RBIS: variants seen among roughly 807,000 people sequenced by gnomAD.
RBIS encodes the protein ribosome biogenesis factor identified in screen.
RBIS carries 9 observed loss-of-function variants against 9.8 expected under a neutral mutation model. That is an observed-to-expected ratio of 0.92 (90% CI 0.56 to 1.61). RBIS has a LOEUF of 1.61. RBIS is among the 40% of genes most tolerant of loss of function. The pLI is 0.00. For synonymous variants in RBIS, 35 were observed against 37.9 expected (o/e 0.92, Z 0.28); for missense variants, 103 against 116.0 (o/e 0.89, Z 0.51).
chr8:85,219,381 T>C (rs953285663), intron 1 of RBIS: 1 of 152,146 alleles, frequency 6.6e-6, no homozygotes, highest in East Asian at 1.9e-4. Context: ...AAGAATGCAG[T>C]AGAAAATACA....
At position 85,220,297 on chromosome 8, in the gene RBIS, A is replaced by G. The variant is rs772192919; in HGVS notation, c.-4+9T>C. The G allele has an allele frequency of 3.9e-5, 6 of 152,294 alleles. No individual in the cohort carries two copies. Among genetic ancestry groups the G allele is most frequent in the Non-Finnish European group, 7.3e-5 (5 of 68,104 alleles). The allele number at this position is 152,294 out of a possible 1,614,324, so 9.4% of individuals were successfully genotyped here. Reference sequence around the variant, plus strand: ...GCCCTCCAGAAAACTTAATTTATTAAACTCTCACCAGAAGTTTAACACTTG... The same window carrying G: ...GCCCTCCAGAAAACTTAATTTATTAGACTCTCACCAGAAGTTTAACACTTG... On this transcript the variant is annotated intron_variant, in intron 1 of 3. Transcript: ENST00000619594.
rs544787591 is a variant in RBIS, at chr8:85,214,623, C to G, written c.240G>C (p.Gln80His). The G allele has an allele frequency of 1.9e-6, 3 of 1,555,994 alleles. No individual in the cohort carries two copies. Among genetic ancestry groups the G allele is most frequent in the Non-Finnish European group, 2.7e-6 (3 of 1,127,826 alleles). Residue 80 changes from glutamine (Q) to histidine (H), a missense_variant, in exon 4 of 4, where the codon CAG becomes CAC. Gln to His is a conservative substitution (Grantham distance 24). Coordinates refer to ENST00000619594, the MANE Select transcript of RBIS (RefSeq NM_001099673.3). ...TAACTGGTTTGCTTTCATGACGCTG[C>G]TGAGGAATCTGAAAGGAGAAAGTAT... ...LEPLQKELIP[Q>H]QRHESKPVNV...
Position 85,214,502 on chromosome 8 carries a change from T to C in RBIS, c.*58A>G. On this transcript the variant is annotated 3_prime_UTR_variant, in exon 4 of 4. Coordinates refer to ENST00000619594, the MANE Select transcript of RBIS (RefSeq NM_001099673.3). ...ATTAACAAGATTTTTAAAAATAAAA[T>C]TGTATAAAACATTCAATTTATTGGT... The C allele has an allele frequency of 1.7e-6, 2 of 1,168,248 alleles. No individual in the cohort carries two copies. Among genetic ancestry groups the C allele is most frequent in the East Asian group, 2.3e-5 (1 of 42,556 alleles). The allele number at this position is 1,168,248 out of a possible 1,614,324, so 72.4% of individuals were successfully genotyped here. A position where few individuals can be genotyped will look rare whatever the true frequency, so the allele number is the denominator to read the frequency against.
intron 1 of RBIS, 152 bp from the exon 2 acceptor site, chr8:85,217,654 C>T: frequency 1.6e-6 from 1 of 611,170 alleles, no homozygotes; most frequent in Non-Finnish European, 2.9e-6. Context: ...AAGTCTTTCA[C>T]TCCTAGTAGA....
At chr8:85,218,213 T>C (rs761816552) in intron 1 of RBIS, among the ~76,000 whole-genome samples, 7 of 152,230 alleles carry the variant, frequency 4.6e-5, no homozygotes, top group East Asian at 1.9e-4. Flanking sequence ...ACTACACTTA[T>C]GTGCTTTAAC....
In RBIS at chr8:85,215,032, G is replaced by A; in HGVS notation, c.120C>T (p.Asn40=). 1.5e-6 allele frequency: 2 copies of A among 1,315,564 alleles called. No individual in the cohort carries two copies. Among genetic ancestry groups the A allele is most frequent in the South Asian group, 1.3e-5 (1 of 74,268 alleles). 81.5% of individuals were successfully genotyped at this position (1,315,564 alleles called of 1,614,324 possible). A position where few individuals can be genotyped will look rare whatever the true frequency, so the allele number is the denominator to read the frequency against. The change falls in exon 3 of 4, where the codon AAC becomes AAT. Residue 40 remains asparagine (N), a synonymous_variant. Transcript: ENST00000619594. Reference sequence around the variant, plus strand: ...TGTTAACTTTTTCCTCATTCATAATGTTTATCTTTTAAAAAGAAAAAAAGC... The same window carrying A: ...TGTTAACTTTTTCCTCATTCATAATATTTATCTTTTAAAAAGAAAAAAAGC... The part of the protein sequence containing the change: ...KPVTTNLKKI[N]IMNEEKVNRV...
chr8:85,217,981 CCT>C (rs1277055780), intron 1 of RBIS, among the ~76,000 whole-genome samples: 2 of 152,108 alleles, frequency 1.3e-5, no homozygotes, highest in African/African-American at 2.4e-5. Context: ...TTCCTACCTC[CCT>C]CTCTCCCTTA....
At position 85,214,899 on chromosome 8, in the gene RBIS, A is replaced by T. The variant is rs750041883; in HGVS notation, c.231+22T>A. The T allele has an allele frequency of 2.3e-6, 3 of 1,309,008 alleles. No homozygotes were observed. The East Asian group carries it at 6.9e-5, about 30-fold the overall frequency. 81.1% of individuals were successfully genotyped at this position (1,309,008 alleles called of 1,614,324 possible). Reference sequence around the variant, plus strand: ...AGCCTCAATTTGTTAGCCATAAAAAAAAGCAAATGATTTCTGCTTACCAGT... The same window carrying T: ...AGCCTCAATTTGTTAGCCATAAAAATAAGCAAATGATTTCTGCTTACCAGT... On this transcript the variant is annotated intron_variant, in intron 3 of 3. Coordinates refer to ENST00000619594, the MANE Select transcript of RBIS (RefSeq NM_001099673.3).
At chr8:85,214,767 T>TA (rs1383999621) in intron 3 of RBIS, 136 bp from the exon 4 acceptor site, 2 of 763,840 alleles carry the variant, frequency 2.6e-6, no homozygotes, top group African/African-American at 3.5e-5. Flanking sequence ...GACAATGTTT[T>TA]AGAGTCTGAA....
At chr8:85,217,289 G>T in intron 2 of RBIS, 97 bp downstream of exon 2, 1 of 785,186 alleles carries the variant, frequency 1.3e-6, no homozygotes, top group South Asian at 1.4e-5. Context: ...GAAAAATGAA[G>T]AACCTTTTTA....
chr8:85,219,625 C>T lies in RBIS; in HGVS notation c.-4+681G>A, dbSNP rs564697823. ...AATTAGCCGGGCGTGGTGACGCGCG[C>T]CTCTAATCCCAGCTACTCGGGAGGC... On this transcript the variant is annotated intron_variant, in intron 1 of 3. Coordinates refer to ENST00000619594, the MANE Select transcript of RBIS (RefSeq NM_001099673.3). Among the ~76,000 whole-genome samples, 5 of 152,178 alleles carry T rather than the reference C, an allele frequency of 3.3e-5. No individual in the cohort carries two copies. In the East Asian group the frequency reaches 7.7e-4, roughly 24 times the overall value.
At chr8:85,215,069 A>G (rs756382480) in intron 2 of RBIS, 32 bp from the exon 3 acceptor site, 1 of 863,892 alleles carries the variant, frequency 1.2e-6, no homozygotes, top group Non-Finnish European at 1.8e-6. Flanking sequence ...TTAATCTATG[A>G]TCTCATAACC....
intron 2 of RBIS, 113 bp downstream of exon 2, chr8:85,217,273 T>G: frequency 1.3e-6 from 1 of 746,152 alleles, no homozygotes; most frequent in Non-Finnish European, 2.4e-6. Context: ...ATCCTTACCT[T>G]TCTAGGAAAA....
rs965076656 is a variant in RBIS at position 85,214,682 on chromosome 8, A to G, written c.232-51T>C. 4 of 1,105,252 alleles carry G rather than the reference A, an allele frequency of 3.6e-6. No homozygotes were observed. The African/African-American group carries it at 6.2e-5, about 17-fold the overall frequency. The allele number at this position is 1,105,252 out of a possible 1,614,324, so 68.5% of individuals were successfully genotyped here. A position where few individuals can be genotyped will look rare whatever the true frequency, so the allele number is the denominator to read the frequency against. On this transcript the variant is annotated intron_variant, in intron 3 of 3. Transcript: ENST00000619594. ...AAAACACAGACAACAATAGCAGACAAATGACTTATATAAGCTGTTATTCAA... is the reference window on the plus strand; with the variant it reads ...AAAACACAGACAACAATAGCAGACAGATGACTTATATAAGCTGTTATTCAA...
intron 2 of RBIS, chr8:85,216,403 A>C (rs1813156938): frequency 6.6e-6 from 1 of 152,192 alleles, no homozygotes; most frequent in Non-Finnish European, 1.5e-5. Flanking sequence ...GCCTACCCAT[A>C]GATCTCTCTC....
chr8:85,214,184 G>GTCA lies in RBIS; in HGVS notation c.*373_*375dup, dbSNP rs1390387147. ...GGAGGAAAGTTAAAGGACACTACAG[G>GTCA]TCATCAAAAACAAGTTGGCCAAGGA... On this transcript the variant is annotated 3_prime_UTR_variant, in exon 4 of 4. Transcript: ENST00000619594. 1 of 536,094 alleles carries GTCA rather than the reference G, an allele frequency of 1.9e-6. No homozygotes were observed. The highest frequency in any genetic ancestry group is 2.2e-5 in the Admixed American group (1 of 44,916). The allele number at this position is 536,094 out of a possible 1,614,324, so 33.2% of individuals were successfully genotyped here.
chr8:85,214,846 C>T lies in RBIS; in HGVS notation c.231+75G>A. On this transcript the variant is annotated intron_variant, in intron 3 of 3. Transcript: ENST00000619594. ...CTAAAAATTACACTCAACTTACAGG[C>T]TTTGAAAACTTGGGAGTTTAATTTA... is the stretch of plus-strand genomic sequence containing the variant. 3.5e-6 allele frequency: 3 copies of T among 860,964 alleles called. No individual in the cohort carries two copies. In the Admixed American group the frequency reaches 7.5e-5, roughly 21 times the overall value. The allele number at this position is 860,964 out of a possible 1,614,324, so 53.3% of individuals were successfully genotyped here.
At chr8:85,217,978 C>T (rs1813215212) in intron 1 of RBIS, among the ~76,000 whole-genome samples, 1 of 151,944 alleles carries the variant, frequency 6.6e-6, no homozygotes, top group Non-Finnish European at 1.5e-5. Context: ...CATTTCCTAC[C>T]TCCCTCTCTC....
chr8:85,215,076 A>T (rs961297522), intron 2 of RBIS, 39 bp from the exon 3 acceptor site: 2 of 821,416 alleles, frequency 2.4e-6, no homozygotes, highest in East Asian at 2.7e-5. Context: ...ATGATCTCAT[A>T]ACCATTAAAG....
Sources: gnomAD v4.1 joint callset for allele counts (sites outside exome capture counted in the v4.1 genomes callset) on GRCh38, gnomAD v4.1.1 for gene constraint, MANE v1.5 for transcripts, NCBI Gene and HGNC (gene_info 2026-07-23, HGNC 2026-07-21) for gene names.